FOXN3: variants seen among roughly 807,000 people sequenced by gnomAD.
FOXN3 encodes forkhead box protein N3.
FOXN3 carries 7 observed loss-of-function variants against 38.4 expected under a neutral mutation model. The observed-to-expected ratio is 0.18, with a 90% CI of 0.10 to 0.34. The LOEUF (loss-of-function observed/expected upper bound fraction) is 0.34, where lower values mean the gene tolerates loss of function less well. FOXN3 is among the 10% of genes least tolerant of loss of function. The probability of loss-of-function intolerance (pLI) is 1.00; values close to 1 mark genes in which losing one functional copy is unlikely to be tolerated. For missense variants in FOXN3, 456 were observed against 613.4 expected (o/e 0.74, Z 2.71); for synonymous variants, 230 against 242.2 (o/e 0.95, Z 0.47).
chr14:89,570,688 G>GT (rs11383658), intron 1 of FOXN3, among the ~76,000 whole-genome samples: 20,346 of 144,946 alleles, frequency 0.14, 1,911 homozygotes, highest in East Asian at 0.38. Flanking sequence ...TGCAATTTTG[G>GT]TTTTTTTTTT....
chr14:89,375,068 C>T (rs1890435987), intron 2 of FOXN3, among the ~76,000 whole-genome samples: 1 of 151,916 alleles, frequency 6.6e-6, no homozygotes, highest in Non-Finnish European at 1.5e-5. Flanking sequence ...AGTGGTCACA[C>T]CACTTCTGTG....
intron 4 of FOXN3, among the ~76,000 whole-genome samples, chr14:89,255,881 C>G (rs1285262191): frequency 6.6e-6 from 1 of 152,074 alleles, no homozygotes. Flanking sequence ...GCACAGAGAC[C>G]CTGCCATTAC....
chr14:89,292,202 C>G (rs1886895519), intron 3 of FOXN3, among the ~76,000 whole-genome samples: 1 of 152,142 alleles, frequency 6.6e-6, no homozygotes, highest in Non-Finnish European at 1.5e-5. Flanking sequence ...GGAATCTTTC[C>G]TCCCTCCACT....
chr14:89,420,827 C>CA (rs1891884221), upstream of FOXN3, among the ~76,000 whole-genome samples: 2 of 146,458 alleles, frequency 1.4e-5, no homozygotes, highest in Non-Finnish European at 3.0e-5. Context: ...GGTCAGAGGG[C>CA]AAAGGTGGCT....
intron 5 of FOXN3, among the ~76,000 whole-genome samples, chr14:89,169,271 T>C (rs1190911310): frequency 3.9e-5 from 6 of 151,966 alleles, no homozygotes; most frequent in Non-Finnish European, 7.4e-5. Context: ...TAAAACCCCA[T>C]CTCTACAAAA....
chr14:89,270,892 C>T (rs1886133503), intron 4 of FOXN3, among the ~76,000 whole-genome samples: 1 of 152,182 alleles, frequency 6.6e-6, no homozygotes, highest in Non-Finnish European at 1.5e-5. Flanking sequence ...TTACCCTATG[C>T]CTGTGTGTCA....
At chr14:89,429,724 G>A (rs773774112) in intron 1 of FOXN3, among the ~76,000 whole-genome samples, 2 of 152,148 alleles carry the variant, frequency 1.3e-5, no homozygotes, top group Non-Finnish European at 2.9e-5. Flanking sequence ...ATTTTGCTCC[G>A]CGGCTGAACA....
At chr14:89,356,069 G>A (rs1305503314) in intron 2 of FOXN3, among the ~76,000 whole-genome samples, 1 of 151,442 alleles carries the variant, frequency 6.6e-6, no homozygotes, top group Non-Finnish European at 1.5e-5. Flanking sequence ...AAAGAAAAAA[G>A]GACCAAAAAA....
chr14:89,212,500 C>A (rs187612658), intron 4 of FOXN3, among the ~76,000 whole-genome samples: 53 of 152,318 alleles, frequency 3.5e-4, no homozygotes, highest in African/African-American at 1.3e-3. Flanking sequence ...GCCCATTCTC[C>A]AGTGCCTGGG....
chr14:89,443,553 G>A (rs1201972796), intron 1 of FOXN3, among the ~76,000 whole-genome samples: 3 of 152,190 alleles, frequency 2.0e-5, no homozygotes, highest in Non-Finnish European at 4.4e-5. Context: ...TTCAGAGAAA[G>A]GAAAGGGGAG....
At chr14:89,326,927 T>C (rs563584234) in intron 3 of FOXN3, among the ~76,000 whole-genome samples, 1 of 152,360 alleles carries the variant, frequency 6.6e-6, no homozygotes, top group South Asian at 2.1e-4. Flanking sequence ...CCTGACATTG[T>C]GATCCATCTA....
chr14:89,519,136 G>A (rs572535808), intron 1 of FOXN3, among the ~76,000 whole-genome samples: 1 of 152,292 alleles, frequency 6.6e-6, no homozygotes, highest in South Asian at 2.1e-4. Flanking sequence ...AGCTGGAGGG[G>A]TGGGGAGAAA....
intron 1 of FOXN3, among the ~76,000 whole-genome samples, chr14:89,436,717 T>C (rs1281873673): frequency 1.3e-5 from 2 of 152,242 alleles, no homozygotes; most frequent in Non-Finnish European, 2.9e-5. Context: ...GTTTCTTGAC[T>C]TCCTGTTCAC....
chr14:89,233,538 C>G (rs1884884622), intron 4 of FOXN3, among the ~76,000 whole-genome samples: 3 of 152,188 alleles, frequency 2.0e-5, no homozygotes, highest in Non-Finnish European at 4.4e-5. Context: ...ATCATTCTTT[C>G]AAATCCCTTT....
chr14:89,584,192 G>A (rs1227388025), intron 1 of FOXN3, among the ~76,000 whole-genome samples: 8 of 150,796 alleles, frequency 5.3e-5, no homozygotes, highest in Non-Finnish European at 7.4e-5. Flanking sequence ...AACAGAGGCC[G>A]GCCAAGACCA....
At chr14:89,333,994 A>ATC (rs1888353999) in intron 3 of FOXN3, among the ~76,000 whole-genome samples, 2 of 62,482 alleles carry the variant, frequency 3.2e-5, no homozygotes, top group African/African-American at 1.1e-4. Flanking sequence ...ATATATATAT[A>ATC]TATATATATA....
At chr14:89,339,108 G>A (rs1213647072) in intron 3 of FOXN3, among the ~76,000 whole-genome samples, 2 of 152,114 alleles carry the variant, frequency 1.3e-5, no homozygotes, top group African/African-American at 4.8e-5. Flanking sequence ...GAGTTGCTGG[G>A]ATTACAGGTG....
intron 3 of FOXN3, among the ~76,000 whole-genome samples, chr14:89,307,106 A>G (rs1279110296): frequency 6.6e-6 from 1 of 152,216 alleles, no homozygotes; most frequent in Admixed American, 6.5e-5. Flanking sequence ...GTCCCACCCA[A>G]TGGCCTGAAA....
chr14:89,537,275 G>A (rs1435933570), intron 1 of FOXN3, among the ~76,000 whole-genome samples: 2 of 151,924 alleles, frequency 1.3e-5, no homozygotes, highest in Non-Finnish European at 2.9e-5. Flanking sequence ...GGATGAATAA[G>A]TGGATGGATG....
Sources: allele counts gnomAD v4.1 joint callset (sites outside exome capture counted in the v4.1 genomes callset), GRCh38; gene constraint gnomAD v4.1.1; transcripts MANE v1.5; gene names NCBI Gene and HGNC (gene_info 2026-07-23, HGNC 2026-07-21).